Variants in VPS35 observed in about 807,000 individuals in gnomAD.
VPS35 encodes VPS35 retromer complex component, also known as vacuolar protein sorting-associated protein 35.
In VPS35, 21 loss-of-function variants were observed where a neutral mutation model predicts 98.1. That is an observed-to-expected ratio of 0.21 (90% CI 0.15 to 0.31). VPS35 has a LOEUF of 0.31. VPS35 is among the 10% of genes least tolerant of loss of function. The probability of loss-of-function intolerance (pLI) is 1.00; values close to 1 mark genes in which losing one functional copy is unlikely to be tolerated. For synonymous variants in VPS35, 268 were observed against 318.2 expected (o/e 0.84, Z 1.68); for missense variants, 554 against 950.8 (o/e 0.58, Z 5.49).
chr16:46,670,638 C>G (rs745821458), intron 12 of VPS35, among the ~76,000 whole-genome samples: 3 of 152,114 alleles, frequency 2.0e-5, no homozygotes, highest in Non-Finnish European at 4.4e-5. Flanking sequence ...AATGAAAACA[C>G]ACAGATACAA....
chr16:46,662,247 T>G lies in VPS35; in HGVS notation c.2063A>C (p.Glu688Ala), dbSNP rs765978232. The G allele has an allele frequency of 1.2e-6, 2 of 1,614,072 alleles. No homozygotes were observed. Among genetic ancestry groups the G allele is most frequent in the Admixed American group, 1.7e-5 (1 of 60,002 alleles). The part of the protein sequence containing the change: ...WSGRNTDKNG[E>A]ELHGGKRVME... ...TGCAGTCAGGAATGACCTTACCTCC[T>G]CCCCATTTTTGTCCGTGTTTCTGCC... Residue 688 changes from glutamate to alanine, a missense_variant, in exon 15 of 17, where the codon GAG becomes GCG. Physicochemically the swap from Glu to Ala is moderately radical, Grantham distance 107. This residue lies in a region of VPS35 where 153 missense variants were observed against 211.0 expected (regional missense o/e 0.73). Coordinates refer to ENST00000299138, the MANE Select transcript of VPS35 (RefSeq NM_018206.6).
chr16:46,672,107 T>A (rs920978170), intron 11 of VPS35, among the ~76,000 whole-genome samples, 158 bp downstream of exon 11: 4 of 152,226 alleles, frequency 2.6e-5, no homozygotes, highest in Non-Finnish European at 5.9e-5. Flanking sequence ...GTTTTATAAT[T>A]CTTTATACAT....
chr16:46,681,323 TA>T, intron 4 of VPS35, 53 bp downstream of exon 4: 1 of 1,609,930 alleles, frequency 6.2e-7, no homozygotes, highest in Non-Finnish European at 8.5e-7. Flanking sequence ...ATAAAAGACG[TA>T]ACATATAGTG....
rs1328269388 is a variant in VPS35, at chr16:46,656,467, C to A, written c.*4005G>T. On this transcript the variant is annotated 3_prime_UTR_variant, in exon 17 of 17. Transcript: ENST00000299138. The stretch of plus-strand genomic sequence containing the variant: ...AGAGATCAGACCCAAATGACTCCAT[C>A]TTGCTTCTAACCTTTAAGCTGTCCT... 6.6e-6 allele frequency: 1 copy of A among 152,200 alleles called. No individual in the cohort carries two copies. Among genetic ancestry groups the A allele is most frequent in the Non-Finnish European group, 1.5e-5 (1 of 68,032 alleles). The allele number at this position is 152,200 out of a possible 1,614,324, so 9.4% of individuals were successfully genotyped here.
rs766158776 is a variant in VPS35, at chr16:46,677,357, C to T, written c.762G>A (p.Arg254=). 1.5e-5 allele frequency: 24 copies of T among 1,613,816 alleles called. No individual in the cohort carries two copies. Among genetic ancestry groups the T allele is most frequent in the Non-Finnish European group, 1.9e-5 (23 of 1,179,936 alleles). Residue 254 remains arginine, a synonymous_variant, in exon 7 of 17, where the codon AGG becomes AGA. Coordinates refer to ENST00000299138, the MANE Select transcript of VPS35 (RefSeq NM_018206.6). ...TGAGATATTCTTGAGCCAAAGCATC[C>T]CTACAGTTTACAACTTGCTCCAATA... ...TGILEQVVNC[R]DALAQEYLME... is the part of the protein sequence containing the mutation.
At chr16:46,688,969 C>T in intron 1 of VPS35, 162 bp downstream of exon 1, 1 of 1,512,976 alleles carries the variant, frequency 6.6e-7, no homozygotes, top group Non-Finnish European at 8.9e-7. Context: ...CTGCCCGCGG[C>T]CTTCCTCCTG....
chr16:46,681,255 A>T (rs1966230154), intron 4 of VPS35, 122 bp downstream of exon 4: 3 of 1,335,808 alleles, frequency 2.2e-6, no homozygotes, highest in Non-Finnish European at 3.2e-6. Flanking sequence ...ATCTACCAAA[A>T]TGTTCATCTC....
intron 13 of VPS35, among the ~76,000 whole-genome samples, chr16:46,664,481 G>A (rs971016184): frequency 2.7e-5 from 4 of 150,184 alleles, no homozygotes; most frequent in African/African-American, 4.9e-5. Context: ...AGTTAAAATC[G>A]ATTCACACTT....
intron 7 of VPS35, among the ~76,000 whole-genome samples, chr16:46,676,916 C>A (rs1966160328): frequency 6.6e-6 from 1 of 152,014 alleles, no homozygotes; most frequent in South Asian, 2.1e-4. Context: ...CTAGAAAACT[C>A]AGATTACTCA....
intron 12 of VPS35, 85 bp downstream of exon 12, chr16:46,671,620 G>C: frequency 1.3e-6 from 2 of 1,566,396 alleles, no homozygotes; most frequent in Non-Finnish European, 1.8e-6. Context: ...TCTAAGACCA[G>C]AAAGTGAATT....
At chr16:46,670,644 T>C (rs1302520223) in intron 12 of VPS35, among the ~76,000 whole-genome samples, 2 of 152,136 alleles carry the variant, frequency 1.3e-5, no homozygotes, top group Non-Finnish European at 2.9e-5. Flanking sequence ...AACACACAGA[T>C]ACAAACAATC....
chr16:46,668,786 TAGAG>T, intron 13 of VPS35, 140 bp downstream of exon 13: 1 of 1,145,344 alleles, frequency 8.7e-7, no homozygotes, highest in Admixed American at 2.4e-5. Context: ...AAGTAACAAA[TAGAG>T]AGTTGGCGAA....
chr16:46,681,289 A>G (rs1396520066), intron 4 of VPS35, 88 bp downstream of exon 4: 1 of 1,576,022 alleles, frequency 6.3e-7, no homozygotes. Context: ...GTTACCCTTA[A>G]AACTTTTTCT....
intron 13 of VPS35, among the ~76,000 whole-genome samples, chr16:46,667,227 CTGT>C (rs1489978982): frequency 2.6e-5 from 4 of 152,166 alleles, no homozygotes; most frequent in African/African-American, 9.7e-5. Flanking sequence ...TGTTGAACAT[CTGT>C]TCATATACCA....
intron 6 of VPS35, 104 bp from the exon 7 acceptor site, chr16:46,677,502 G>T (rs1172173782): frequency 6.2e-6 from 6 of 970,478 alleles, no homozygotes; most frequent in Non-Finnish European, 8.2e-6. Flanking sequence ...TCGTATTTGA[G>T]ATTTTTCTCA....
chr16:46,677,751 G>C (rs1017714979), intron 6 of VPS35: 2 of 270,004 alleles, frequency 7.4e-6, no homozygotes, highest in Admixed American at 9.9e-5. Flanking sequence ...GCCCAGGCCT[G>C]TCTCAAACTC....
At chr16:46,660,694 CA>C (rs750134675) in intron 16 of VPS35, 43 bp from the exon 17 acceptor site, 63 of 1,566,592 alleles carry the variant, frequency 4.0e-5, no homozygotes, top group Non-Finnish European at 5.3e-5. Flanking sequence ...GCACGTACCA[CA>C]AAAAATGAAA....
rs192419029 is a variant in VPS35 at position 46,660,543 on chromosome 16, G to T, written c.2320C>A (p.Leu774Met). 6.4e-5 allele frequency: 103 copies of T among 1,613,936 alleles called. No homozygotes were observed. Among genetic ancestry groups the T allele is most frequent in the Non-Finnish European group, 8.3e-5 (98 of 1,180,024 alleles). ...EQINKHFHNTLEHLRLRRESP... is the reference protein window; with the variant it reads ...EQINKHFHNTMEHLRLRRESP... ...TCCCGCCGCAAGCGCAAATGCTCCA[G>T]TGTGTTATGAAAATGTTTGTTAATC... The change falls in exon 17 of 17, where the codon CTG becomes ATG. Residue 774 changes from leucine to methionine, a missense_variant. By Grantham distance (15) the Leu-to-Met change is conservative (BLOSUM62 2). Transcript: ENST00000299138.
At chr16:46,688,313 C>G (rs1389804022) in intron 1 of VPS35, 3 of 986,878 alleles carry the variant, frequency 3.0e-6, no homozygotes, top group Middle Eastern at 5.2e-4. Flanking sequence ...TGACAACTTG[C>G]CTTTGTGGGA....
Sources: gnomAD v4.1 joint callset for allele counts (sites outside exome capture counted in the v4.1 genomes callset) on GRCh38, gnomAD v4.1.1 for gene constraint, gnomAD v4.1.1 regional missense constraint, MANE v1.5 for transcripts, NCBI Gene and HGNC (gene_info 2026-07-23, HGNC 2026-07-21) for gene names.